AIG1: variants seen among roughly 807,000 people sequenced by gnomAD.
AIG1 encodes the protein androgen-induced gene 1 protein.
AIG1 carries 23 observed loss-of-function variants against 31.4 expected under a neutral mutation model. That is an observed-to-expected ratio of 0.73 (90% CI 0.53 to 1.04). The LOEUF is 1.04. Ranked by LOEUF, AIG1 falls within the 50% of genes least tolerant of loss-of-function variation. The pLI is 0.00. For missense variants in AIG1, 274 were observed against 295.0 expected (o/e 0.93, Z 0.52); for synonymous variants, 100 against 110.5 (o/e 0.90, Z 0.60).
rs73590478 is a variant in AIG1 at position 143,126,550 on chromosome 6, G to A, written c.142-10285G>A. 7.6e-3 allele frequency among the ~76,000 whole-genome samples: 1,158 copies of A among 152,294 alleles called. 11 individuals are homozygous for A. The highest frequency in any genetic ancestry group is 0.026 in the African/African-American group (1,075 of 41,550). The stretch of plus-strand genomic sequence containing the variant: ...GAAAGCGGGGGATCCCTTGAAGATG[G>A]TGTTTTATAGAACTGCTATTTTATG... On this transcript the variant is annotated intron_variant, in intron 1 of 5. Coordinates refer to ENST00000357847, the MANE Select transcript of AIG1 (RefSeq NM_016108.4).
chr6:143,124,564 T>G (rs1335261068), intron 1 of AIG1, among the ~76,000 whole-genome samples: 1 of 152,214 alleles, frequency 6.6e-6, no homozygotes, highest in African/African-American at 2.4e-5. Flanking sequence ...TCCAGCAGGC[T>G]GCAAACACAC....
At chr6:143,084,110 C>T (rs961083145) in intron 1 of AIG1, among the ~76,000 whole-genome samples, 3 of 152,126 alleles carry the variant, frequency 2.0e-5, no homozygotes, top group Non-Finnish European at 4.4e-5. Context: ...AAGGCCGCAC[C>T]AGTGTCCAGG....
intron 3 of AIG1, among the ~76,000 whole-genome samples, chr6:143,260,458 A>G (rs747232997): frequency 2.0e-5 from 3 of 152,198 alleles, no homozygotes; most frequent in African/African-American, 4.8e-5. Flanking sequence ...AGTAAATTTT[A>G]TTCATTCAGT....
intron 4 of AIG1, among the ~76,000 whole-genome samples, chr6:143,309,053 T>G (rs754687447): frequency 7.4e-4 from 112 of 151,922 alleles, no homozygotes; most frequent in Admixed American, 9.2e-4. Flanking sequence ...CTTTTACTTA[T>G]AGAGAAAGAG....
Position 143,297,783 on chromosome 6 carries a change from C to G in AIG1, c.515+13558C>G, listed in dbSNP as rs1343114133. Among the ~76,000 whole-genome samples the G allele has an allele frequency of 6.6e-6, 1 of 152,136 alleles. No individual in the cohort carries two copies. Among genetic ancestry groups the G allele is most frequent in the Non-Finnish European group, 1.5e-5 (1 of 68,012 alleles). On this transcript the variant is annotated intron_variant, in intron 4 of 5. Transcript: ENST00000357847. This position sits in a 1 kb window ranked among gnomAD's most constrained non-coding sequence, Gnocchi z 5.1. ...GTTTTTTTAAAATGCAAATTTTATC[C>G]TGTCAATCCTCCTACTTAAAAGTCT...
intron 1 of AIG1, among the ~76,000 whole-genome samples, chr6:143,061,914 C>T (rs1776294740): frequency 6.6e-6 from 1 of 152,202 alleles, no homozygotes; most frequent in Admixed American, 6.5e-5. Context: ...CTAGGAATTT[C>T]AGGGTAAAGG....
At chr6:143,168,906 A>G (rs1412588310) in intron 3 of AIG1, among the ~76,000 whole-genome samples, 1 of 152,130 alleles carries the variant, frequency 6.6e-6, no homozygotes, top group Non-Finnish European at 1.5e-5. Flanking sequence ...CTTTTAGATT[A>G]TTACTATCAG....
chr6:143,318,288 T>C (rs1345151088), intron 4 of AIG1, among the ~76,000 whole-genome samples: 1 of 152,066 alleles, frequency 6.6e-6, no homozygotes, highest in Admixed American at 6.5e-5. Flanking sequence ...AATAGGCACA[T>C]AGACCAATGG....
At position 143,158,348 on chromosome 6, in the gene AIG1, A is replaced by G. The variant is rs114499674; in HGVS notation, c.298-6734A>G. Among the ~76,000 whole-genome samples the G allele has an allele frequency of 4.4e-3, 670 of 152,276 alleles. 5 individuals are homozygous for G. The highest frequency in any genetic ancestry group is 0.016 in the African/African-American group (654 of 41,556). Reference sequence around the variant, plus strand: ...AGACCTCATGTTCCCAGCAAGGGTCATTTAATGTCCTTCAGGGTTTGCCAC... The same window carrying G: ...AGACCTCATGTTCCCAGCAAGGGTCGTTTAATGTCCTTCAGGGTTTGCCAC... On this transcript the variant is annotated intron_variant, in intron 2 of 5. Transcript: ENST00000357847.
intron 3 of AIG1, chr6:143,188,734 A>G (rs1296280477): frequency 1.0e-6 from 1 of 985,400 alleles, no homozygotes; most frequent in Non-Finnish European, 1.2e-6. Context: ...GGCCACTCTC[A>G]TTTTAAAGAT....
At chr6:143,061,839 C>CCT (rs1776287912) in intron 1 of AIG1, among the ~76,000 whole-genome samples, 2 of 152,132 alleles carry the variant, frequency 1.3e-5, no homozygotes, top group Admixed American at 6.5e-5. Flanking sequence ...ACTAAAAGGC[C>CCT]CTCTTCAACC....
At chr6:143,281,114 C>A (rs1374462343) in intron 3 of AIG1, among the ~76,000 whole-genome samples, 2 of 152,076 alleles carry the variant, frequency 1.3e-5, no homozygotes, top group African/African-American at 2.4e-5. Flanking sequence ...ACTGTGATAT[C>A]TTTTAAAAAT....
At chr6:143,190,749 TC>T (rs1216360026) in intron 3 of AIG1, 1 of 344,170 alleles carries the variant, frequency 2.9e-6, no homozygotes. Flanking sequence ...TCAAACATTT[TC>T]TACATTATCA....
intron 3 of AIG1, among the ~76,000 whole-genome samples, chr6:143,206,131 G>A (rs548932085): frequency 2.0e-5 from 3 of 152,302 alleles, no homozygotes; most frequent in Admixed American, 6.5e-5. Flanking sequence ...AAAGGTCAGC[G>A]AAGGCTGACA....
intron 1 of AIG1, among the ~76,000 whole-genome samples, chr6:143,129,427 G>C (rs534897597): frequency 2.0e-5 from 3 of 152,226 alleles, no homozygotes; most frequent in Non-Finnish European, 4.4e-5. Context: ...ATAGTCCCAA[G>C]TAGGGGAGAA....
chr6:143,268,508 G>C lies in AIG1; in HGVS notation c.400-15602G>C, dbSNP rs1796303201. Among the ~76,000 whole-genome samples the C allele has an allele frequency of 6.6e-6, 1 of 152,170 alleles. No individual in the cohort carries two copies. The highest frequency in any genetic ancestry group is 6.5e-5 in the Admixed American group (1 of 15,286). On this transcript the variant is annotated intron_variant, in intron 3 of 5. Coordinates refer to ENST00000357847, the MANE Select transcript of AIG1 (RefSeq NM_016108.4). This position sits in a 1 kb window ranked among gnomAD's most constrained non-coding sequence, Gnocchi z 5.0. ...TATATGTCAAGGAGGCTTATTAGCT[G>C]TGCATGACCATATATAAAATTACAG...
intron 4 of AIG1, among the ~76,000 whole-genome samples, chr6:143,315,027 A>G (rs1036854852): frequency 8.5e-5 from 13 of 152,118 alleles, no homozygotes; most frequent in Admixed American, 6.6e-4. Flanking sequence ...GGAATGCTAC[A>G]TTTTCTAGAA....
intron 3 of AIG1, among the ~76,000 whole-genome samples, chr6:143,205,359 A>G (rs958807348): frequency 2.0e-5 from 3 of 152,204 alleles, no homozygotes; most frequent in Admixed American, 6.5e-5. Flanking sequence ...TGCAGTGACC[A>G]TGGCTTGGCT....
chr6:143,152,345 A>G (rs559447299), intron 2 of AIG1, among the ~76,000 whole-genome samples: 1 of 152,336 alleles, frequency 6.6e-6, no homozygotes, highest in South Asian at 2.1e-4. Context: ...ATATTAATGT[A>G]ATTTTATCGA....
Sources: gnomAD v4.1 joint callset for allele counts (sites outside exome capture counted in the v4.1 genomes callset) on GRCh38, gnomAD v4.1.1 for gene constraint, Gnocchi (gnomAD v3.1) non-coding constraint, MANE v1.5 for transcripts, NCBI Gene and HGNC (gene_info 2026-07-23, HGNC 2026-07-21) for gene names.